The following BNC2 variants were observed in gnomAD, a reference collection of about 807,000 sequenced individuals.
BNC2 encodes basonuclin zinc finger protein 2, also known as zinc finger protein basonuclin-2.
In BNC2, 20 loss-of-function variants were observed where a neutral mutation model predicts 76.3. That is an observed-to-expected ratio of 0.26 (90% CI 0.18 to 0.38). The LOEUF (loss-of-function observed/expected upper bound fraction) is 0.38, where lower values mean the gene tolerates loss of function less well. Among genes scored for constraint, BNC2 ranks in the 10% least tolerant of loss-of-function variants. The pLI is 1.00. For missense variants in BNC2, 1,382 were observed against 1,399.8 expected, an observed-to-expected ratio of 0.99 and a Z score of 0.20; for synonymous variants, 582 against 514.8, an observed-to-expected ratio of 1.13 and a Z score of -1.77.
intron 1 of BNC2, among the ~76,000 whole-genome samples, chr9:16,795,873 G>A (rs926083650): frequency 6.6e-6 from 1 of 152,124 alleles, no homozygotes; most frequent in Non-Finnish European, 1.5e-5. Context: ...GAAAGAGGAT[G>A]GGAGGTAAAG....
intron 5 of BNC2, among the ~76,000 whole-genome samples, chr9:16,528,546 T>C (rs1259550602): frequency 6.6e-6 from 1 of 152,232 alleles, no homozygotes; most frequent in Non-Finnish European, 1.5e-5. Flanking sequence ...TAGAGTAGCA[T>C]AAATATTCCT....
intron 4 of BNC2, among the ~76,000 whole-genome samples, chr9:16,553,847 C>G (rs1477961386): frequency 6.6e-6 from 1 of 152,158 alleles, no homozygotes; most frequent in African/African-American, 2.4e-5. Flanking sequence ...ATAACACTGT[C>G]TTATCTGTAG....
chr9:16,444,148 G>A (rs1172306694), intron 5 of BNC2, among the ~76,000 whole-genome samples: 3 of 152,116 alleles, frequency 2.0e-5, no homozygotes, highest in Non-Finnish European at 4.4e-5. Context: ...AGTGGAATAT[G>A]CAAGACAATC....
rs544831659 is a variant in BNC2 at position 16,483,016 on chromosome 9, C to G, written c.670-45492G>C. ...ATTTTCGATTACACATGTATTTTCT[C>G]CACCACATCCAACAGCATGTAAAAC... On this transcript the variant is annotated intron_variant, in intron 5 of 6. Transcript: ENST00000380672. 1.1e-4 allele frequency among the ~76,000 whole-genome samples: 16 copies of G among 152,272 alleles called. No homozygotes were observed. In the South Asian group the frequency reaches 3.3e-3, roughly 32 times the overall value.
intron 3 of BNC2, among the ~76,000 whole-genome samples, chr9:16,726,557 TTTAA>T (rs771253633): frequency 1.6e-3 from 37 of 23,782 alleles, no homozygotes; most frequent in Non-Finnish European, 2.0e-3. Context: ...ACAAAAGCTT[TTTAA>T]AAAAAAAAAA....
chr9:16,754,295 C>G (rs1387312925), intron 1 of BNC2, among the ~76,000 whole-genome samples: 1 of 152,136 alleles, frequency 6.6e-6, no homozygotes, highest in African/African-American at 2.4e-5. Context: ...TTGCCAAACC[C>G]CAGAGTTCCC....
chr9:16,558,942 A>G (rs1818925578), intron 4 of BNC2, among the ~76,000 whole-genome samples: 1 of 152,046 alleles, frequency 6.6e-6, no homozygotes, highest in Admixed American at 6.6e-5. Context: ...TCAAAAAAAA[A>G]AAAAAAAAAG....
intron 5 of BNC2, among the ~76,000 whole-genome samples, chr9:16,465,392 T>G (rs79983037): frequency 7.6e-6 from 1 of 131,762 alleles, no homozygotes; most frequent in Non-Finnish European, 1.5e-5. Flanking sequence ...GCTGAGATTG[T>G]GCAACTACAC....
At chr9:16,590,075 A>G (rs1458664830) in intron 3 of BNC2, among the ~76,000 whole-genome samples, 1 of 152,070 alleles carries the variant, frequency 6.6e-6, no homozygotes, top group Non-Finnish European at 1.5e-5. Flanking sequence ...CCTGGGCAAC[A>G]TGGCAAAACC....
chr9:16,733,055 G>T (rs989918503), intron 2 of BNC2, among the ~76,000 whole-genome samples: 7 of 152,118 alleles, frequency 4.6e-5, no homozygotes, highest in African/African-American at 1.7e-4. Flanking sequence ...AAATTCATAT[G>T]GCATTAAGGT....
chr9:16,664,880 T>C (rs960470765), intron 3 of BNC2, among the ~76,000 whole-genome samples: 1 of 111,666 alleles, frequency 9.0e-6, no homozygotes, highest in African/African-American at 3.5e-5. Context: ...CCATAAGCAT[T>C]GTGCTGATGC....
At chr9:16,470,804 T>A (rs1268573327) in intron 5 of BNC2, among the ~76,000 whole-genome samples, 1 of 152,198 alleles carries the variant, frequency 6.6e-6, no homozygotes, top group East Asian at 1.9e-4. Context: ...AAAAGTTTGC[T>A]GCAGGGGCGG....
intron 1 of BNC2, among the ~76,000 whole-genome samples, chr9:16,845,526 C>T (rs1818951408): frequency 6.6e-6 from 1 of 151,826 alleles, no homozygotes; most frequent in South Asian, 2.1e-4. Flanking sequence ...TCGAGACCAT[C>T]CTGGCTAACA....
chr9:16,623,825 A>T (rs1820924837), intron 3 of BNC2, among the ~76,000 whole-genome samples: 1 of 152,172 alleles, frequency 6.6e-6, no homozygotes. Flanking sequence ...GGTAAAAAGG[A>T]TTCAGTAAAA....
intron 1 of BNC2, among the ~76,000 whole-genome samples, chr9:16,780,520 C>T (rs10120138): frequency 0.12 from 17,466 of 151,286 alleles, 1,220 homozygotes; most frequent in East Asian, 0.27. Context: ...TGCAGTGAGC[C>T]GAGATCACAC....
intron 1 of BNC2, among the ~76,000 whole-genome samples, chr9:16,790,817 C>CTTTTTT (rs372342400): frequency 5.4e-4 from 70 of 128,780 alleles, no homozygotes; most frequent in African/African-American, 1.9e-3. Flanking sequence ...CCTTGGTAAG[C>CTTTTTT]TTTTTTTTTT....
intron 3 of BNC2, among the ~76,000 whole-genome samples, chr9:16,675,480 G>C (rs1563892882): frequency 6.6e-6 from 1 of 152,038 alleles, no homozygotes; most frequent in Non-Finnish European, 1.5e-5. Flanking sequence ...CACTGGTCTT[G>C]AACTCCTGGG....
At chr9:16,445,128 T>C (rs1821205157) in intron 5 of BNC2, among the ~76,000 whole-genome samples, 1 of 152,088 alleles carries the variant, frequency 6.6e-6, no homozygotes, top group African/African-American at 2.4e-5. Context: ...CTGGGAAGCA[T>C]TTAGGGAAAT....
intron 1 of BNC2, among the ~76,000 whole-genome samples, chr9:16,744,133 A>ATTTTTTTTTTTTTTTTTTTTTTTTTTT (rs368807707): frequency 3.3e-5 from 5 of 151,120 alleles, no homozygotes; most frequent in African/African-American, 1.2e-4. Flanking sequence ...CGCCCGGCTA[A>ATTTTTTTTTTTTTTTTTTTTTTTTTTT]TTTTTTTTTG....
Sources: gnomAD v4.1 joint callset for allele counts (sites outside exome capture counted in the v4.1 genomes callset) on GRCh38, gnomAD v4.1.1 for gene constraint, MANE v1.5 for transcripts, NCBI Gene and HGNC (gene_info 2026-07-23, HGNC 2026-07-21) for gene names.